ODAD2: variants seen among roughly 807,000 people sequenced by gnomAD.
The protein encoded by ODAD2 is outer dynein arm-docking complex subunit 2.
Under a neutral mutation model 106.8 loss-of-function variants are expected in ODAD2, and 89 were observed. That is an observed-to-expected ratio of 0.83 (90% confidence interval 0.70 to 0.99). The LOEUF (loss-of-function observed/expected upper bound fraction) is 0.99. Ranked by LOEUF, ODAD2 falls within the 50% of genes least tolerant of loss-of-function variation. The pLI, the probability that ODAD2 is intolerant of heterozygous loss-of-function variation, is 0.00. For missense variants in ODAD2, 1,168 were observed against 1,238.5 expected, an observed-to-expected ratio of 0.94 and a Z score of 0.85; for synonymous variants, 404 against 436.2, an observed-to-expected ratio of 0.93 and a Z score of 0.92.
chr10:27,834,161 T>G (rs1389585710), intron 19 of ODAD2, among the ~76,000 whole-genome samples: 1 of 152,170 alleles, frequency 6.6e-6, no homozygotes. Flanking sequence ...TTGATTTGAG[T>G]CCAGGATAAA....
intron 10 of ODAD2, among the ~76,000 whole-genome samples, chr10:27,955,955 G>A (rs1249419541): frequency 6.6e-6 from 1 of 152,074 alleles, no homozygotes; most frequent in African/African-American, 2.4e-5. Context: ...CTCTGGATTA[G>A]AGTATTGACC....
intron 17 of ODAD2, 35 bp downstream of exon 17, chr10:27,907,628 A>T (rs746609581): frequency 6.8e-7 from 1 of 1,463,848 alleles, no homozygotes; most frequent in Non-Finnish European, 9.6e-7. Flanking sequence ...AGTATTAGAG[A>T]TTCTAGAAGA....
chr10:27,845,414 G>A (rs1411505765), intron 19 of ODAD2, among the ~76,000 whole-genome samples: 1 of 152,170 alleles, frequency 6.6e-6, no homozygotes, highest in Non-Finnish European at 1.5e-5. Flanking sequence ...AAGAGCTCCT[G>A]AAGGAAGCAC....
At chr10:27,988,590 G>A (rs747682443) in intron 2 of ODAD2, among the ~76,000 whole-genome samples, 1 of 151,876 alleles carries the variant, frequency 6.6e-6, no homozygotes. Flanking sequence ...CACACACCTC[G>A]ACCTCCCAAA....
intron 16 of ODAD2, among the ~76,000 whole-genome samples, chr10:27,917,634 A>G (rs900797860): frequency 6.6e-6 from 1 of 152,066 alleles, no homozygotes; most frequent in African/African-American, 2.4e-5. Context: ...AAGGTTGACA[A>G]ACTTTTTCAG....
chr10:27,857,777 C>G (rs1839762604), intron 19 of ODAD2, among the ~76,000 whole-genome samples: 1 of 152,176 alleles, frequency 6.6e-6, no homozygotes, highest in Non-Finnish European at 1.5e-5. Flanking sequence ...AACAAAGCAG[C>G]TAATCCTAGG....
At chr10:27,931,533 A>AC (rs1554812805) in intron 16 of ODAD2, among the ~76,000 whole-genome samples, 2 of 150,002 alleles carry the variant, frequency 1.3e-5, no homozygotes, top group African/African-American at 2.5e-5. Context: ...TTTATCAGTG[A>AC]TTTTTTTTTC....
At position 27,812,194 on chromosome 10, in the gene ODAD2, A is replaced by C. The variant is rs959451895; in HGVS notation, c.*318T>G. ...TGGGAAGGCCATATCCTTTTTATTA[A>C]AATCGCCACAAATACAAAAGCATCA... On this transcript the variant is annotated 3_prime_UTR_variant, in exon 20 of 20. Transcript: ENST00000305242. The C allele has an allele frequency of 6.2e-5, 18 of 288,762 alleles. No individual in the cohort carries two copies. The highest frequency in any genetic ancestry group is 9.5e-5 in the Non-Finnish European group (15 of 157,552). 17.9% of individuals were successfully genotyped at this position (288,762 alleles called of 1,614,324 possible).
rs931912924 is a variant in ODAD2 at position 27,877,389 on chromosome 10, T to A, written c.2611-14767A>T. 3.3e-5 allele frequency among the ~76,000 whole-genome samples: 5 copies of A among 152,064 alleles called. No homozygotes were observed. In the East Asian group the frequency reaches 9.6e-4, roughly 29 times the overall value. ...GAGATACCAGGAGCCAAAGTCCCCGTGAGATCATGGGCACAGTTCAACAGG... is the reference window on the plus strand; with the variant it reads ...GAGATACCAGGAGCCAAAGTCCCCGAGAGATCATGGGCACAGTTCAACAGG... On this transcript the variant is annotated intron_variant, in intron 17 of 19. Transcript: ENST00000305242.
At chr10:27,824,555 AT>A (rs1455457681) in intron 19 of ODAD2, among the ~76,000 whole-genome samples, 9 of 152,172 alleles carry the variant, frequency 5.9e-5, no homozygotes, top group African/African-American at 2.2e-4. Flanking sequence ...TTCCTCATAA[AT>A]TACCCAGTCT....
At chr10:27,897,715 G>A (rs534738904) in intron 17 of ODAD2, among the ~76,000 whole-genome samples, 2 of 152,246 alleles carry the variant, frequency 1.3e-5, no homozygotes, top group South Asian at 4.1e-4. Context: ...TACAAGAGAG[G>A]GCAGTTCCTG....
chr10:27,904,923 G>C (rs1169443474), intron 17 of ODAD2: 1 of 152,186 alleles, frequency 6.6e-6, no homozygotes, highest in Non-Finnish European at 1.5e-5. Flanking sequence ...CTTCTTTGTT[G>C]CTATTATACA....
At chr10:27,871,157 T>C (rs1056538318) in intron 17 of ODAD2, among the ~76,000 whole-genome samples, 15 of 152,264 alleles carry the variant, frequency 9.9e-5, no homozygotes, top group African/African-American at 3.6e-4. Context: ...TGTCTTCCTT[T>C]GAGAAGTGTC....
chr10:27,853,050 G>A (rs1223606291), intron 19 of ODAD2, among the ~76,000 whole-genome samples: 1 of 150,346 alleles, frequency 6.7e-6, no homozygotes, highest in African/African-American at 2.4e-5. Context: ...AATAAAGGCA[G>A]AGGTTGTATA....
chr10:27,998,553 G>A (rs1311508990), intron 1 of ODAD2, among the ~76,000 whole-genome samples: 1 of 151,948 alleles, frequency 6.6e-6, no homozygotes, highest in African/African-American at 2.4e-5. Context: ...AGGTAGTGCA[G>A]AGAGGGGCGC....
intron 17 of ODAD2, among the ~76,000 whole-genome samples, chr10:27,898,962 A>C (rs1304008921): frequency 2.0e-5 from 3 of 152,136 alleles, no homozygotes; most frequent in African/African-American, 7.2e-5. Flanking sequence ...ATTTAGAGTC[A>C]AGTTAAATTT....
intron 17 of ODAD2, among the ~76,000 whole-genome samples, chr10:27,890,400 AAACTGATAACC>A (rs1312088790): frequency 6.6e-6 from 1 of 152,236 alleles, no homozygotes; most frequent in East Asian, 1.9e-4. Context: ...AAGTAACTGA[AAACTGATAACC>A]AACTGTGCTT....
intron 19 of ODAD2, among the ~76,000 whole-genome samples, chr10:27,816,845 G>C (rs1416454342): frequency 6.6e-6 from 1 of 152,138 alleles, no homozygotes; most frequent in East Asian, 1.9e-4. Context: ...GTCCCCTGGG[G>C]TTCAAGTGAT....
chr10:27,999,380 T>C (rs986297225), upstream of ODAD2, among the ~76,000 whole-genome samples: 4 of 152,090 alleles, frequency 2.6e-5, no homozygotes, highest in African/African-American at 9.7e-5. Flanking sequence ...GTACCTGAAA[T>C]CTTCACTGAG....
Sources: allele counts gnomAD v4.1 joint callset (sites outside exome capture counted in the v4.1 genomes callset), GRCh38; gene constraint gnomAD v4.1.1; transcripts MANE v1.5; gene names NCBI Gene and HGNC (gene_info 2026-07-23, HGNC 2026-07-21).